Variants in ATP11C observed in about 807,000 individuals in gnomAD.
The protein encoded by ATP11C is ATPase phospholipid transporting 11C (ATP11C blood group).
ATP11C carries 36 observed loss-of-function variants against 97.4 expected under a neutral mutation model. That is an observed-to-expected ratio of 0.37 (90% CI 0.28 to 0.49). The LOEUF (loss-of-function observed/expected upper bound fraction) is 0.49, where lower values mean the gene tolerates loss of function less well. Among genes scored for constraint, ATP11C ranks in the 20% least tolerant of loss-of-function variants. ATP11C has a pLI of 0.98. For missense variants in ATP11C, 730 were observed against 824.6 expected (o/e 0.89, Z 1.40); for synonymous variants, 275 against 290.9 (o/e 0.95, Z 0.56).
At chrX:139,906,427 G>GAA (rs5904006) in intron 1 of ATP11C, among the ~76,000 whole-genome samples, 80 of 96,461 alleles carry the variant, frequency 8.3e-4, no homozygotes, top group Middle Eastern at 5.4e-3. Flanking sequence ...CAAAAAAAAC[G>GAA]AAAAAAAAAA....
At chrX:139,798,595 C>T in intron 9 of ATP11C, 84 bp downstream of exon 9, 8 of 792,996 alleles carry the variant, frequency 1.0e-5, no homozygotes, top group Non-Finnish European at 1.5e-5. Context: ...GCAAACCTGC[C>T]ATGTTTACTT....
At position 139,782,632 on chromosome X, in the gene ATP11C, G is replaced by C; in HGVS notation, c.1867C>G (p.Gln623Glu). Residue 623 changes from glutamine to glutamate, a missense_variant, in exon 18 of 30, where the codon CAA becomes GAA. Gln to Glu is a conservative substitution (Grantham distance 29). Transcript: ENST00000682941. ...RQLIEAKMAL[Q>E]DREEKMEKVF... ...TTTTCCATTTTTTCTTCTCTGTCTT[G>C]TAAGGCCATTTTTGCCTCTATGAGC... The C allele has an allele frequency of 3.3e-6, 4 of 1,201,280 alleles. No individual in the cohort carries two copies. Among genetic ancestry groups the C allele is most frequent in the Non-Finnish European group, 4.5e-6 (4 of 887,757 alleles).
intron 11 of ATP11C, among the ~76,000 whole-genome samples, chrX:139,796,724 A>C (rs1387991225): frequency 9.0e-6 from 1 of 111,075 alleles, no homozygotes; most frequent in Non-Finnish European, 1.9e-5. Flanking sequence ...TCACTTCTTT[A>C]AGTTCTCTTT....
At chrX:139,791,107 T>C (rs1354741202) in intron 12 of ATP11C, among the ~76,000 whole-genome samples, 1 of 111,515 alleles carries the variant, frequency 9.0e-6, no homozygotes, top group Non-Finnish European at 1.9e-5. Flanking sequence ...TTTCTAATTA[T>C]TTTTCAAAGC....
chrX:139,756,159 G>T (rs2081930152), intron 23 of ATP11C, among the ~76,000 whole-genome samples: 1 of 111,954 alleles, frequency 8.9e-6, no homozygotes, highest in South Asian at 3.7e-4. Flanking sequence ...ATTAAAAAGT[G>T]GGCAAAGGAC....
chrX:139,829,776 A>G (rs2083605958), intron 1 of ATP11C, among the ~76,000 whole-genome samples: 1 of 111,672 alleles, frequency 9.0e-6, no homozygotes, highest in East Asian at 2.8e-4. Flanking sequence ...AAGCAATGTA[A>G]ATTTCTTTCT....
At chrX:139,820,586 G>A (rs911806057) in intron 2 of ATP11C, among the ~76,000 whole-genome samples, 12 of 109,247 alleles carry the variant, frequency 1.1e-4, no homozygotes. Flanking sequence ...CACAACCCTG[G>A]GCCATGGAGG....
At chrX:139,843,293 G>A (rs1371370105) in intron 1 of ATP11C, among the ~76,000 whole-genome samples, 1 of 111,868 alleles carries the variant, frequency 8.9e-6, no homozygotes, top group African/African-American at 3.3e-5. Flanking sequence ...TCTATAGATG[G>A]ACAGATGGAA....
intron 1 of ATP11C, among the ~76,000 whole-genome samples, chrX:139,852,289 C>G (rs1181762065): frequency 9.2e-6 from 1 of 108,114 alleles, no homozygotes; most frequent in Non-Finnish European, 1.9e-5. Flanking sequence ...CCTTTAGCAG[C>G]ACTGAAACTT....
intron 1 of ATP11C, among the ~76,000 whole-genome samples, chrX:139,860,309 C>A (rs1342888224): frequency 1.8e-5 from 2 of 110,599 alleles, no homozygotes; most frequent in Admixed American, 1.9e-4. Flanking sequence ...TGCAACTTAC[C>A]AATGAATTAT....
intron 28 of ATP11C, among the ~76,000 whole-genome samples, 180 bp from the exon 29 acceptor site, chrX:139,731,935 G>A (rs903391293): frequency 6.3e-5 from 7 of 111,547 alleles, no homozygotes; most frequent in African/African-American, 2.3e-4. Flanking sequence ...TACATTCAAA[G>A]GCCTAAGAAA....
intron 28 of ATP11C, 54 bp downstream of exon 28, chrX:139,737,862 C>T (rs1185210287): frequency 5.3e-6 from 6 of 1,137,585 alleles, no homozygotes; most frequent in Admixed American, 2.3e-5. Flanking sequence ...TAGCTCATGG[C>T]AGATATTGAG....
intron 1 of ATP11C, among the ~76,000 whole-genome samples, chrX:139,836,197 G>T (rs943120010): frequency 9.1e-6 from 1 of 110,185 alleles, no homozygotes; most frequent in Non-Finnish European, 1.9e-5. Flanking sequence ...ATACACACGA[G>T]AAGACAATAT....
intron 21 of ATP11C, 26 bp downstream of exon 21, chrX:139,763,290 C>A (rs1199251089): frequency 9.1e-7 from 1 of 1,104,263 alleles, no homozygotes; most frequent in Admixed American, 2.2e-5. Flanking sequence ...CTTTTCACAG[C>A]TGCCATCTCA....
At chrX:139,853,532 C>T (rs952565772) in intron 1 of ATP11C, among the ~76,000 whole-genome samples, 3 of 110,584 alleles carry the variant, frequency 2.7e-5, no homozygotes, top group African/African-American at 9.9e-5. Flanking sequence ...TACCCTATTC[C>T]TTTAAAAGCC....
At position 139,932,150 on chromosome X, in the gene ATP11C, G is replaced by A. The variant is rs780609669; in HGVS notation, c.-108C>T. ...GGCCGGCGGCGCCAAGCGGAGCAGC[G>A]AGGCGGGCGGCCGGGCCACCCGCTC... On this transcript the variant is annotated 5_prime_UTR_variant, in exon 1 of 30. Coordinates refer to ENST00000682941, the MANE Select transcript of ATP11C (RefSeq NM_001353812.2). 9.1e-4 allele frequency: 696 copies of A among 767,998 alleles called. No individual in the cohort carries two copies. Among genetic ancestry groups the A allele is most frequent in the South Asian group, 1.7e-3 (26 of 15,566 alleles). The allele number at this position is 767,998 out of a possible 1,213,427, so 63.3% of individuals were successfully genotyped here.
chrX:139,802,259 T>C lies in ATP11C; in HGVS notation c.636A>G (p.Glu212=). ...IDTLRAAIEC[E]QPQPDLYKFV... ...ACTTGTAGAGGTCAGGTTGAGGCTG[T>C]TCACATTCAATTGCTGCTCGGAGGG... Residue 212 remains glutamate, a synonymous_variant, in exon 7 of 30, where the codon GAA becomes GAG. Transcript: ENST00000682941. The C allele has an allele frequency of 8.3e-7, 1 of 1,207,115 alleles. No homozygotes were observed. Among genetic ancestry groups the C allele is most frequent in the Non-Finnish European group, 1.1e-6 (1 of 891,093 alleles).
chrX:139,822,373 T>TG (rs2083428949), intron 2 of ATP11C, among the ~76,000 whole-genome samples: 1 of 107,893 alleles, frequency 9.3e-6, no homozygotes, highest in African/African-American at 3.5e-5. Context: ...ATTTTTGTTG[T>TG]GTGTGGTTTT....
intron 25 of ATP11C, among the ~76,000 whole-genome samples, chrX:139,744,427 T>C (rs2081636796): frequency 9.0e-6 from 1 of 111,691 alleles, no homozygotes. Flanking sequence ...GAACTCAAAA[T>C]GGGTAATGAA....
Sources: allele counts gnomAD v4.1 joint callset (sites outside exome capture counted in the v4.1 genomes callset), GRCh38; gene constraint gnomAD v4.1.1; transcripts MANE v1.5; gene names NCBI Gene and HGNC (gene_info 2026-07-23, HGNC 2026-07-21).